PPP4R3A: variants seen among roughly 807,000 people sequenced by gnomAD.
PPP4R3A encodes serine/threonine-protein phosphatase 4 regulatory subunit 3A.
A neutral mutation model predicts 91.7 loss-of-function variants in PPP4R3A; 15 were observed. The ratio of observed to expected loss-of-function variants is 0.16; its 90% CI spans 0.11 to 0.25. The LOEUF (loss-of-function observed/expected upper bound fraction) is 0.25. PPP4R3A is among the 10% of genes least tolerant of loss of function. PPP4R3A has a pLI of 1.00. For synonymous variants in PPP4R3A, 377 were observed against 348.7 expected (o/e 1.08, Z -0.91); for missense variants, 623 against 998.4 (o/e 0.62, Z 5.07).
chr14:91,494,420 T>C (rs887798727), intron 1 of PPP4R3A, among the ~76,000 whole-genome samples: 3 of 152,202 alleles, frequency 2.0e-5, no homozygotes, highest in South Asian at 4.1e-4. Flanking sequence ...AAAGGACTTG[T>C]ATCCGGAATA....
intron 13 of PPP4R3A, 53 bp downstream of exon 13, chr14:91,461,996 A>C: frequency 2.1e-6 from 3 of 1,436,488 alleles, no homozygotes; most frequent in Non-Finnish European, 1.8e-6. Flanking sequence ...AATAAGAATA[A>C]ATCTAGAGTA....
intron 1 of PPP4R3A, among the ~76,000 whole-genome samples, chr14:91,494,832 C>A (rs1890441755): frequency 1.3e-5 from 2 of 152,090 alleles, no homozygotes; most frequent in South Asian, 4.1e-4. Context: ...CACCACTGCA[C>A]CCCAGCCTGG....
At chr14:91,508,654 G>GA (rs1247475867) in intron 1 of PPP4R3A, among the ~76,000 whole-genome samples, 1 of 151,896 alleles carries the variant, frequency 6.6e-6, no homozygotes, top group Non-Finnish European at 1.5e-5. Context: ...AGCACATGTG[G>GA]AAAAAAGAAA....
Position 91,458,872 on chromosome 14 carries a change from G to GTTAAGAAATAAGGATTATTTAA in PPP4R3A, c.2392-25_2392-4dup, listed in dbSNP as rs1211617199. 6.2e-7 allele frequency: 1 copy of GTTAAGAAATAAGGATTATTTAA among 1,602,528 alleles called. No homozygotes were observed. Among genetic ancestry groups the GTTAAGAAATAAGGATTATTTAA allele is most frequent in the East Asian group, 2.2e-5 (1 of 44,648 alleles). Reference sequence around the variant, plus strand: ...TCTACCAGACCCACGAGGCCTCCCTGTTAAGAAATAAGGATTATTTAAAGA... The same window carrying GTTAAGAAATAAGGATTATTTAA: ...TCTACCAGACCCACGAGGCCTCCCTGTTAAGAAATAAGGATTATTTAATTAAGAAATAAGGATTATTTAAAGA... On this transcript the variant is annotated splice_polypyrimidine_tract_variant and splice_region_variant and intron_variant, in intron 14 of 14. Coordinates refer to ENST00000554943, the MANE Select transcript of PPP4R3A (RefSeq NM_001366432.2).
Position 91,468,667 on chromosome 14 carries a change from C to CAAAAAAAAAAAAAAAAAAAAAAAAAAA in PPP4R3A, c.1660+2169_1660+2170insTTTTTTTTTTTTTTTTTTTTTTTTTTT, listed in dbSNP as rs766250846. Among the ~76,000 whole-genome samples, 4 of 45,044 alleles carry CAAAAAAAAAAAAAAAAAAAAAAAAAAA rather than the reference C, an allele frequency of 8.9e-5. 1 individual carries two copies. Among genetic ancestry groups the CAAAAAAAAAAAAAAAAAAAAAAAAAAA allele is most frequent in the East Asian group, 1.7e-3 (1 of 576 alleles). 29.6% of individuals were successfully genotyped at this position (45,044 alleles called of 152,430 possible). ...AAGGCGACAGAGTGAGACTCCGTCT[C>CAAAAAAAAAAAAAAAAAAAAAAAAAAA]AAAAAAAAAAAAAAAAAAAAAAGGA... is the stretch of plus-strand genomic sequence containing the variant. On this transcript the variant is annotated intron_variant, in intron 10 of 14. Transcript: ENST00000554943.
At chr14:91,459,206 G>A (rs1391697739) in intron 14 of PPP4R3A, among the ~76,000 whole-genome samples, 1 of 152,044 alleles carries the variant, frequency 6.6e-6, no homozygotes, top group Non-Finnish European at 1.5e-5. Flanking sequence ...CCAGGTTCAA[G>A]CAATTCTCCC....
intron 1 of PPP4R3A, among the ~76,000 whole-genome samples, chr14:91,507,505 GCTATAATTATATATA>G (rs1891452792): frequency 1.1e-5 from 1 of 87,070 alleles, no homozygotes; most frequent in African/African-American, 4.7e-5. Flanking sequence ...TAGAATATAT[GCTATAATTATATATA>G]CTATAGTTAT....
intron 1 of PPP4R3A, among the ~76,000 whole-genome samples, chr14:91,501,440 CA>C (rs974094574): frequency 3.3e-5 from 5 of 152,054 alleles, no homozygotes; most frequent in African/African-American, 4.8e-5. Flanking sequence ...AATGCACCAT[CA>C]AAAATGAGTT....
At chr14:91,488,124 C>T (rs1490235591) in intron 2 of PPP4R3A, among the ~76,000 whole-genome samples, 3 of 151,624 alleles carry the variant, frequency 2.0e-5, no homozygotes, top group South Asian at 4.2e-4. Context: ...AGGAGTTGGA[C>T]GCTGCAGTGC....
Position 91,458,231 on chromosome 14 carries a change from AAAG to A in PPP4R3A, c.*525_*527del, listed in dbSNP as rs1253130268. The A allele has an allele frequency of 1.9e-5, 3 of 154,228 alleles. No individual in the cohort carries two copies. The highest frequency in any genetic ancestry group is 1.3e-4 in the Admixed American group (2 of 15,490). The allele number at this position is 154,228 out of a possible 1,614,324, so 9.6% of individuals were successfully genotyped here. A position where few individuals can be genotyped will look rare whatever the true frequency, so the allele number is the denominator to read the frequency against. ...TTGAAGGGCAAAGGGAACAGTTAAA[AAAG>A]AGGAAAACTTTATACTCGCCCCTCC... On this transcript the variant is annotated 3_prime_UTR_variant, in exon 15 of 15. Transcript: ENST00000554943.
At chr14:91,507,367 C>T (rs1340729460) in intron 1 of PPP4R3A, among the ~76,000 whole-genome samples, 1 of 62,336 alleles carries the variant, frequency 1.6e-5, no homozygotes, top group Admixed American at 2.0e-4. Context: ...AGTATATATA[C>T]TATAATTATA....
At position 91,509,731 on chromosome 14, in the gene PPP4R3A, G is replaced by A. The variant is rs541914184; in HGVS notation, c.-84C>T. 5.6e-4 allele frequency: 793 copies of A among 1,406,550 alleles called. 12 individuals carry two copies. The South Asian group carries it at 0.011, about 20-fold the overall frequency. 87.1% of individuals were successfully genotyped at this position (1,406,550 alleles called of 1,614,324 possible). A position where few individuals can be genotyped will look rare whatever the true frequency, so the allele number is the denominator to read the frequency against. ...TGGAGAGGCGAGGGGCGAGGCGTGA[G>A]GGCGCCCGCGAGCGGAGGGCTCCCC... On this transcript the variant is annotated 5_prime_UTR_variant, in exon 1 of 15. Transcript: ENST00000554943.
At chr14:91,472,996 GAACAGAGAAC>G in intron 9 of PPP4R3A, 27 bp downstream of exon 9, 6 of 1,588,336 alleles carry the variant, frequency 3.8e-6, no homozygotes, top group Non-Finnish European at 3.4e-6. Context: ...CAGCATTCAA[GAACAGAGAAC>G]TTAACTACCA....
rs138419348 is a variant in PPP4R3A at position 91,481,503 on chromosome 14, G to A, written c.915+73C>T. The A allele has an allele frequency of 6.1e-4, 858 of 1,413,382 alleles. 6 individuals carry two copies. The African/African-American group carries it at 0.011, about 18-fold the overall frequency. The allele number at this position is 1,413,382 out of a possible 1,614,324, so 87.6% of individuals were successfully genotyped here. A position where few individuals can be genotyped will look rare whatever the true frequency, so the allele number is the denominator to read the frequency against. ...TACATTAACAAAATTAAAACTCAAT[G>A]TATGTATTTAAAAGGAGCAAATTGT... On this transcript the variant is annotated intron_variant, in intron 4 of 14. Coordinates refer to ENST00000554943, the MANE Select transcript of PPP4R3A (RefSeq NM_001366432.2).
chr14:91,478,567 G>A (rs876561), intron 4 of PPP4R3A, among the ~76,000 whole-genome samples: 74,793 of 152,044 alleles, frequency 0.49, 18,731 homozygotes, highest in Admixed American at 0.53. Context: ...ACATTACAGG[G>A]AAGCAAAGAT....
chr14:91,468,391 G>A (rs1314285470), intron 10 of PPP4R3A, among the ~76,000 whole-genome samples: 6 of 152,240 alleles, frequency 3.9e-5, no homozygotes, highest in Admixed American at 2.0e-4. Flanking sequence ...TGACCAAGTA[G>A]GCTGGGCGCC....
At chr14:91,494,855 C>G (rs114660074) in intron 1 of PPP4R3A, among the ~76,000 whole-genome samples, 4,439 of 152,222 alleles carry the variant, frequency 0.029, 213 homozygotes, top group African/African-American at 0.1. Flanking sequence ...GACAGAGACT[C>G]TGTCTCAAAT....
chr14:91,461,946 T>C, intron 13 of PPP4R3A, 103 bp downstream of exon 13: 1 of 1,408,832 alleles, frequency 7.1e-7, no homozygotes, highest in Non-Finnish European at 9.2e-7. Flanking sequence ...TTAAACCGTA[T>C]GCCATCACAC....
In PPP4R3A at chr14:91,491,684, C is replaced by T. The variant is rs190085494; in HGVS notation, c.143-882G>A. ...CCTCCCAAAGTGCTGGGATTACAGG[C>T]GTGAGCCACCACGCCTGGCCTAGAA... is the stretch of plus-strand genomic sequence containing the variant. On this transcript the variant is annotated intron_variant, in intron 1 of 14. Coordinates refer to ENST00000554943, the MANE Select transcript of PPP4R3A (RefSeq NM_001366432.2). Among the ~76,000 whole-genome samples the T allele has an allele frequency of 1.7e-3, 259 of 149,922 alleles. 1 individual carries two copies. The highest frequency in any genetic ancestry group is 5.2e-3 in the African/African-American group (206 of 39,318).
Sources: allele counts gnomAD v4.1 joint callset (sites outside exome capture counted in the v4.1 genomes callset), GRCh38; gene constraint gnomAD v4.1.1; transcripts MANE v1.5; gene names NCBI Gene and HGNC (gene_info 2026-07-23, HGNC 2026-07-21).